The following ATRX variants were observed in gnomAD, a reference collection of about 807,000 sequenced individuals.
The protein encoded by ATRX is ATRX chromatin remodeler.
A neutral mutation model predicts 172.6 loss-of-function variants in ATRX; 12 were observed. The ratio of observed to expected loss-of-function variants is 0.07; its 90% confidence interval spans 0.04 to 0.11. The LOEUF (loss-of-function observed/expected upper bound fraction) is 0.11. Among genes scored for constraint, ATRX ranks in the 10% least tolerant of loss-of-function variants. ATRX has a pLI of 1.00. For synonymous variants in ATRX, 674 were observed against 594.7 expected (o/e 1.13, Z -1.94); for missense variants, 1,368 against 1,767.4 (o/e 0.77, Z 4.05).
In ATRX at chrX:77,599,440, T is replaced by C. The variant is rs782151425; in HGVS notation, c.5927A>G (p.Asn1976Ser). Residue 1976 changes from asparagine (N) to serine (S), a missense_variant, in exon 25 of 35, where the codon AAT becomes AGT. Asn to Ser is a conservative substitution (Grantham distance 46). This residue lies in a region of ATRX where 45 missense variants were observed against 120.2 expected (regional missense o/e 0.37). Transcript: ENST00000373344. Reference protein sequence around the residue: ...GEGNVDETGNNPSVSLKLEES... With the variant: ...GEGNVDETGNSPSVSLKLEES... The stretch of plus-strand genomic sequence containing the variant: ...TTCCAGTTTTAAAGAAACAGAAGGA[T>C]TGTTTCCTGTTTCATCCACATTTCC... 1 of 1,210,775 alleles carries C rather than the reference T, an allele frequency of 8.3e-7. No individual in the cohort carries two copies.
In ATRX at chrX:77,594,063, A is replaced by G. The variant is rs782750401; in HGVS notation, c.5957-214T>C. The G allele has an allele frequency of 1.5e-4, 54 of 358,401 alleles. 1 individual carries two copies. The South Asian group carries it at 3.3e-3, about 22-fold the overall frequency. 29.5% of individuals were successfully genotyped at this position (358,401 alleles called of 1,213,427 possible). A position where few individuals can be genotyped will look rare whatever the true frequency, so the allele number is the denominator to read the frequency against. On this transcript the variant is annotated intron_variant, in intron 25 of 34. Coordinates refer to ENST00000373344, the MANE Select transcript of ATRX (RefSeq NM_000489.6). ...AAGAGTGAGCTCTAGATAGAAAAAGAGAAAGGAAGGAGATGCCAAATAAGA... is the reference window on the plus strand; with the variant it reads ...AAGAGTGAGCTCTAGATAGAAAAAGGGAAAGGAAGGAGATGCCAAATAAGA...
At chrX:77,724,334 G>GAA (rs201653117) in intron 1 of ATRX, among the ~76,000 whole-genome samples, 7 of 96,865 alleles carry the variant, frequency 7.2e-5, no homozygotes, top group Non-Finnish European at 1.5e-4. Context: ...GGAAAAAAAA[G>GAA]AAAAAAAAAC....
chrX:77,580,277 C>A (rs2065783033), intron 27 of ATRX, among the ~76,000 whole-genome samples: 1 of 111,222 alleles, frequency 9.0e-6, no homozygotes, highest in Non-Finnish European at 1.9e-5. Context: ...ACAGAGAAAC[C>A]CAAATCTAAA....
At chrX:77,737,177 C>T (rs2074610393) in intron 1 of ATRX, among the ~76,000 whole-genome samples, 1 of 110,604 alleles carries the variant, frequency 9.0e-6, no homozygotes, top group Non-Finnish European at 1.9e-5. Context: ...GTACTCCCAG[C>T]ACTTTAGGAG....
chrX:77,606,340 C>T (rs1452997004), intron 22 of ATRX, among the ~76,000 whole-genome samples: 4 of 111,266 alleles, frequency 3.6e-5, no homozygotes, highest in African/African-American at 6.5e-5. Flanking sequence ...AATACCTTCA[C>T]TGCTGAATTT....
At chrX:77,648,778 G>A (rs781809333) in intron 15 of ATRX, among the ~76,000 whole-genome samples, 1 of 110,710 alleles carries the variant, frequency 9.0e-6, no homozygotes, top group South Asian at 3.8e-4. Context: ...TAAATAATTT[G>A]ACTACTTAAA....
intron 10 of ATRX, chrX:77,675,422 C>T (rs1557132892): frequency 9.0e-6 from 1 of 111,723 alleles, no homozygotes; most frequent in Non-Finnish European, 1.9e-5. Context: ...TCCAAAATTC[C>T]ATGCACTATA....
chrX:77,715,812 A>G (rs2073347060), intron 2 of ATRX, among the ~76,000 whole-genome samples: 1 of 111,399 alleles, frequency 9.0e-6, no homozygotes, highest in South Asian at 3.7e-4. Context: ...CTTTTAACCA[A>G]GTCTCTTTAT....
At chrX:77,733,640 A>C (rs2074395809) in intron 1 of ATRX, among the ~76,000 whole-genome samples, 1 of 102,519 alleles carries the variant, frequency 9.8e-6, no homozygotes, top group African/African-American at 3.6e-5. Flanking sequence ...AGGCTAAAGC[A>C]GACGGATCAC....
chrX:77,638,440 T>C (rs1343557435), intron 15 of ATRX, among the ~76,000 whole-genome samples: 1 of 112,693 alleles, frequency 8.9e-6, no homozygotes, highest in Non-Finnish European at 1.9e-5. Context: ...GCCACTGCAC[T>C]CTAGCCTGGG....
At chrX:77,579,953 T>A (rs1384277956) in intron 27 of ATRX, among the ~76,000 whole-genome samples, 1 of 111,919 alleles carries the variant, frequency 8.9e-6, no homozygotes, top group African/African-American at 3.2e-5. Context: ...ATAAATTTAA[T>A]GAAGAGGCTG....
At chrX:77,649,833 A>G (rs1480646190) in intron 15 of ATRX, among the ~76,000 whole-genome samples, 2 of 112,374 alleles carry the variant, frequency 1.8e-5, no homozygotes, top group African/African-American at 6.5e-5. Context: ...TCTTTCTTTT[A>G]TAAATTGCCC....
At chrX:77,754,404 C>G (rs2075414306) in intron 1 of ATRX, among the ~76,000 whole-genome samples, 1 of 111,305 alleles carries the variant, frequency 9.0e-6, no homozygotes, top group Non-Finnish European at 1.9e-5. Context: ...GTTATTCTGA[C>G]CGTTAGTTGA....
chrX:77,720,878 G>T (rs2073722127), intron 1 of ATRX, among the ~76,000 whole-genome samples: 1 of 111,381 alleles, frequency 9.0e-6, no homozygotes, highest in African/African-American at 3.3e-5. Flanking sequence ...AACAAATAAA[G>T]AAAATTTCAG....
intron 22 of ATRX, among the ~76,000 whole-genome samples, chrX:77,608,543 G>T (rs1294009513): frequency 9.0e-6 from 1 of 111,000 alleles, no homozygotes; most frequent in Admixed American, 9.7e-5. Context: ...ATACGCAGAA[G>T]AATGAATCTG....
rs200605289 is a variant in ATRX at position 77,732,452 on chromosome X, CCT to C, written c.21-15211_21-15210del. Among the ~76,000 whole-genome samples, 871 of 111,969 alleles carry C rather than the reference CCT, an allele frequency of 7.8e-3. 9 individuals are homozygous for C. Among genetic ancestry groups the C allele is most frequent in the African/African-American group, 0.027 (843 of 30,875 alleles). ...ACACATTCTGTGAGGCCAGTATTAC[CCT>C]GTTACCAAAACCTGACAAAAACACA... On this transcript the variant is annotated intron_variant, in intron 1 of 34. Transcript: ENST00000373344.
chrX:77,583,351 T>C (rs781823096), intron 27 of ATRX, among the ~76,000 whole-genome samples: 37 of 110,650 alleles, frequency 3.3e-4, no homozygotes, highest in Non-Finnish European at 6.2e-4. Context: ...TGGTGAAACC[T>C]CGTCTCTACT....
chrX:77,699,093 G>GA lies in ATRX; in HGVS notation c.134-465dup, dbSNP rs542829741. Among the ~76,000 whole-genome samples the GA allele has an allele frequency of 8.6e-3, 911 of 105,686 alleles. 5 individuals are homozygous for GA. Among genetic ancestry groups the GA allele is most frequent in the South Asian group, 0.05 (123 of 2,444 alleles). 91.8% of individuals were successfully genotyped at this position (105,686 alleles called of 115,157 possible). On this transcript the variant is annotated intron_variant, in intron 2 of 34. Coordinates refer to ENST00000373344, the MANE Select transcript of ATRX (RefSeq NM_000489.6). ...TGAAATAGGAAATAGAAAAGCAATAGAAAAAAAAAATCAATAAAACCAAAG... is the reference window on the plus strand; with the variant it reads ...TGAAATAGGAAATAGAAAAGCAATAGAAAAAAAAAAATCAATAAAACCAAAG...
intron 27 of ATRX, among the ~76,000 whole-genome samples, chrX:77,577,794 T>C (rs2065675520): frequency 9.0e-6 from 1 of 111,595 alleles, no homozygotes; most frequent in South Asian, 3.8e-4. Flanking sequence ...TGGAATAAGA[T>C]GGCTGAATAG....
Sources: allele counts gnomAD v4.1 joint callset (sites outside exome capture counted in the v4.1 genomes callset), GRCh38; gene constraint gnomAD v4.1.1; regional missense constraint gnomAD v4.1.1; transcripts MANE v1.5; gene names NCBI Gene and HGNC (gene_info 2026-07-23, HGNC 2026-07-21).